The following PEBP4 variants were observed in gnomAD, a reference collection of about 807,000 sequenced individuals.
PEBP4 encodes the protein phosphatidylethanolamine-binding protein 4.
A neutral mutation model predicts 23.9 loss-of-function variants in PEBP4; 22 were observed. The observed-to-expected ratio is 0.92, with a 90% CI of 0.66 to 1.31. The LOEUF is 1.31. PEBP4 is among the 40% of genes most tolerant of loss of function. PEBP4 has a pLI of 0.00. For synonymous variants in PEBP4, 112 were observed against 99.3 expected (o/e 1.13, Z -0.76); for missense variants, 324 against 281.7 (o/e 1.15, Z -1.07).
upstream of PEBP4, among the ~76,000 whole-genome samples, chr8:22,930,294 A>G (rs1051155880): frequency 6.6e-6 from 1 of 152,158 alleles, no homozygotes; most frequent in African/African-American, 2.4e-5. Flanking sequence ...TCGTTTCCTA[A>G]GAGAAACTTG....
At chr8:22,772,257 G>A (rs1372981611) in intron 4 of PEBP4, among the ~76,000 whole-genome samples, 1 of 152,222 alleles carries the variant, frequency 6.6e-6, no homozygotes, top group African/African-American at 2.4e-5. Flanking sequence ...TCTAGCTGGT[G>A]AGAGGTCTGG....
chr8:22,911,164 G>A (rs1370228090), intron 3 of PEBP4, among the ~76,000 whole-genome samples: 4 of 152,038 alleles, frequency 2.6e-5, no homozygotes, highest in African/African-American at 9.7e-5. Context: ...TTGTTTCCTC[G>A]CCTGTAAAAC....
chr8:22,791,614 T>C (rs1806142801), intron 4 of PEBP4, among the ~76,000 whole-genome samples: 1 of 152,182 alleles, frequency 6.6e-6, no homozygotes, highest in Admixed American at 6.5e-5. Context: ...TCTACATATT[T>C]TACGTACAAA....
chr8:22,877,714 G>A (rs1808153178), intron 3 of PEBP4, among the ~76,000 whole-genome samples: 1 of 152,050 alleles, frequency 6.6e-6, no homozygotes, highest in African/African-American at 2.4e-5. Flanking sequence ...CCACACATGT[G>A]GGCAGCCGGG....
intron 4 of PEBP4, among the ~76,000 whole-genome samples, chr8:22,809,155 C>T (rs1183744055): frequency 6.6e-6 from 1 of 152,200 alleles, no homozygotes; most frequent in South Asian, 2.1e-4. Flanking sequence ...TACTAAGCAC[C>T]AGGTGCTACG....
intron 1 of PEBP4, among the ~76,000 whole-genome samples, chr8:22,933,100 G>A (rs188625095): frequency 1.7e-4 from 26 of 152,040 alleles, no homozygotes; most frequent in African/African-American, 6.0e-4. Flanking sequence ...AGTAGCTCAA[G>A]CCCCAGCTCT....
At chr8:22,803,856 C>T (rs1035062144) in intron 4 of PEBP4, among the ~76,000 whole-genome samples, 1 of 152,118 alleles carries the variant, frequency 6.6e-6, no homozygotes. Context: ...CCCTCCACGT[C>T]TAATTCATTG....
At chr8:22,715,073 G>A (rs1426734828) in intron 6 of PEBP4, among the ~76,000 whole-genome samples, 4 of 152,246 alleles carry the variant, frequency 2.6e-5, no homozygotes, top group Non-Finnish European at 4.4e-5. Context: ...TGGCAAGGAA[G>A]CTTCGTAGTG....
intron 3 of PEBP4, among the ~76,000 whole-genome samples, chr8:22,856,004 T>G (rs1363992824): frequency 7.0e-6 from 1 of 142,358 alleles, no homozygotes; most frequent in East Asian, 2.1e-4. Flanking sequence ...GAACCATATT[T>G]GCATCACTGC....
rs2128747262 is a variant in PEBP4 at position 22,713,625 on chromosome 8, G to A, written c.518-89C>T. On this transcript the variant is annotated intron_variant, in intron 6 of 6. Transcript: ENST00000256404. ...GGGCCTGAGAGGGAGGCCGGCTCGT[G>A]GGAGCCGAGGCAGCAGGTGATGCGA... 1.9e-6 allele frequency: 3 copies of A among 1,568,980 alleles called. No homozygotes were observed. The East Asian group carries it at 6.8e-5, about 35-fold the overall frequency.
At chr8:22,789,429 C>A (rs144929292) in intron 4 of PEBP4, among the ~76,000 whole-genome samples, 2,644 of 152,218 alleles carry the variant, frequency 0.017, 26 homozygotes, top group Non-Finnish European at 0.027. Context: ...AAACTAGGGT[C>A]GTCCAACCTT....
chr8:22,722,777 T>G (rs1204734437), intron 6 of PEBP4, among the ~76,000 whole-genome samples: 1 of 149,608 alleles, frequency 6.7e-6, no homozygotes, highest in Non-Finnish European at 1.5e-5. Context: ...GCCATTTTTT[T>G]TTTTTTGTTT....
At chr8:22,914,366 G>C (rs1809021949) in intron 3 of PEBP4, among the ~76,000 whole-genome samples, 1 of 152,102 alleles carries the variant, frequency 6.6e-6, no homozygotes, top group Non-Finnish European at 1.5e-5. Context: ...AAAGTGCTGG[G>C]ATTAGAGATG....
chr8:22,907,467 G>T (rs138595527), intron 3 of PEBP4, among the ~76,000 whole-genome samples: 4 of 152,072 alleles, frequency 2.6e-5, no homozygotes, highest in Admixed American at 2.0e-4. Context: ...AGTCGAGATC[G>T]TGCCACTGCA....
At chr8:22,936,160 T>C (rs1018789107) in intron 1 of PEBP4, among the ~76,000 whole-genome samples, 6 of 151,608 alleles carry the variant, frequency 4.0e-5, no homozygotes, top group African/African-American at 9.7e-5. Context: ...ATCAGTAAAA[T>C]TGACACTATC....
At position 22,724,971 on chromosome 8, in the gene PEBP4, A is replaced by G; in HGVS notation, c.404-15T>C. On this transcript the variant is annotated splice_polypyrimidine_tract_variant and intron_variant, in intron 5 of 6. Coordinates refer to ENST00000256404, the MANE Select transcript of PEBP4 (RefSeq NM_144962.3). The stretch of plus-strand genomic sequence containing the variant: ...AGCCTGGTAGGCTATAGGTAGAAGC[A>G]GGAGAGAGGTGAGCATCAACATCCC... 6.3e-7 allele frequency: 1 copy of G among 1,590,782 alleles called. No individual in the cohort carries two copies. The highest frequency in any genetic ancestry group is 1.1e-5 in the South Asian group (1 of 90,592).
intron 3 of PEBP4, among the ~76,000 whole-genome samples, chr8:22,859,533 G>A (rs1017831017): frequency 6.6e-6 from 1 of 152,178 alleles, no homozygotes; most frequent in African/African-American, 2.4e-5. Context: ...AGAAGAGGTT[G>A]GGTTGGGATA....
At chr8:22,908,700 A>G (rs1808868597) in intron 3 of PEBP4, among the ~76,000 whole-genome samples, 1 of 152,208 alleles carries the variant, frequency 6.6e-6, no homozygotes, top group Non-Finnish European at 1.5e-5. Flanking sequence ...CTGAGAGGCA[A>G]CAATTCATGT....
chr8:22,872,817 C>T (rs774764717), intron 3 of PEBP4, among the ~76,000 whole-genome samples: 9 of 152,192 alleles, frequency 5.9e-5, no homozygotes, highest in Non-Finnish European at 8.8e-5. Context: ...GCTGGGACTA[C>T]AGGCATGCGC....
Sources: gnomAD v4.1 joint callset for allele counts (sites outside exome capture counted in the v4.1 genomes callset) on GRCh38, gnomAD v4.1.1 for gene constraint, MANE v1.5 for transcripts, NCBI Gene and HGNC (gene_info 2026-07-23, HGNC 2026-07-21) for gene names.